The following IMMP2L variants were observed in gnomAD, a reference collection of about 807,000 sequenced individuals.
IMMP2L encodes inner mitochondrial membrane peptidase subunit 2, also known as mitochondrial inner membrane protease subunit 2.
In IMMP2L, 18 loss-of-function variants were observed where a neutral mutation model predicts 19.3. The observed-to-expected ratio is 0.93, with a 90% CI of 0.64 to 1.38. The LOEUF (loss-of-function observed/expected upper bound fraction) is 1.38. IMMP2L is among the 40% of genes most tolerant of loss of function. The probability of loss-of-function intolerance (pLI) is 0.00; values close to 1 mark genes in which losing one functional copy is unlikely to be tolerated. For missense variants in IMMP2L, 233 were observed against 218.2 expected (o/e 1.07, Z -0.43); for synonymous variants, 76 against 73.0 (o/e 1.04, Z -0.21).
intron 3 of IMMP2L, among the ~76,000 whole-genome samples, chr7:111,112,380 G>A (rs1342355854): frequency 3.3e-5 from 5 of 152,086 alleles, no homozygotes; most frequent in African/African-American, 7.2e-5. Context: ...CTGTCACTTC[G>A]TACTTCAGAG....
intron 5 of IMMP2L, among the ~76,000 whole-genome samples, chr7:110,820,869 CT>C (rs777182015): frequency 2.0e-5 from 3 of 152,056 alleles, no homozygotes; most frequent in Admixed American, 6.6e-5. Context: ...ACCTTTTCAA[CT>C]TTCCTGAGCT....
At chr7:111,155,647 T>C (rs1196143342) in intron 3 of IMMP2L, among the ~76,000 whole-genome samples, 1 of 146,592 alleles carries the variant, frequency 6.8e-6, no homozygotes, top group East Asian at 2.0e-4. Context: ...CTTGTGTGCA[T>C]TGTCATGGAA....
intron 3 of IMMP2L, among the ~76,000 whole-genome samples, chr7:110,964,472 C>G (rs757009706): frequency 2.0e-5 from 3 of 151,878 alleles, no homozygotes; most frequent in African/African-American, 7.3e-5. Flanking sequence ...GAATTCAGAG[C>G]GCTAAAACAG....
At chr7:110,836,319 T>A (rs1463290389) in intron 5 of IMMP2L, among the ~76,000 whole-genome samples, 3 of 152,184 alleles carry the variant, frequency 2.0e-5, no homozygotes, top group Admixed American at 6.5e-5. Context: ...CCTCATGATA[T>A]GATTTGGCTG....
chr7:110,869,029 C>T (rs16873234), intron 5 of IMMP2L, among the ~76,000 whole-genome samples: 5,646 of 151,992 alleles, frequency 0.037, 342 homozygotes, highest in African/African-American at 0.13. Flanking sequence ...CTAGAGAATG[C>T]TATCACTTTT....
At chr7:111,368,540 C>T (rs1408572840) in intron 3 of IMMP2L, among the ~76,000 whole-genome samples, 1 of 151,932 alleles carries the variant, frequency 6.6e-6, no homozygotes, top group African/African-American at 2.4e-5. Flanking sequence ...CCTGAAAGTT[C>T]TTGCTACCAA....
intron 3 of IMMP2L, among the ~76,000 whole-genome samples, chr7:111,438,433 C>A (rs1014524247): frequency 2.0e-5 from 3 of 151,618 alleles, no homozygotes; most frequent in Non-Finnish European, 4.4e-5. Context: ...ATTCAGGAGT[C>A]CCACACCCAC....
At chr7:111,281,885 A>C (rs1431106435) in intron 3 of IMMP2L, among the ~76,000 whole-genome samples, 1 of 152,202 alleles carries the variant, frequency 6.6e-6, no homozygotes, top group East Asian at 1.9e-4. Context: ...AGGACAACTA[A>C]GGTTGTTTTT....
chr7:111,408,943 A>T (rs969926082), intron 3 of IMMP2L, among the ~76,000 whole-genome samples: 5 of 151,750 alleles, frequency 3.3e-5, no homozygotes, highest in African/African-American at 1.2e-4. Context: ...TGAAAAACCT[A>T]CATCAGCACT....
intron 1 of IMMP2L, among the ~76,000 whole-genome samples, chr7:111,542,696 A>G (rs10085436): frequency 0.015 from 2,290 of 152,274 alleles, 73 homozygotes; most frequent in African/African-American, 0.052. Context: ...TGAATACACA[A>G]TTAATTCAAT....
intron 5 of IMMP2L, among the ~76,000 whole-genome samples, chr7:110,884,310 G>A (rs1809991385): frequency 1.3e-5 from 2 of 151,870 alleles, no homozygotes; most frequent in Admixed American, 6.6e-5. Flanking sequence ...AAATTACTGA[G>A]AGAAATGCTT....
At chr7:111,222,015 C>T (rs771980989) in intron 3 of IMMP2L, among the ~76,000 whole-genome samples, 16 of 151,918 alleles carry the variant, frequency 1.1e-4, no homozygotes, top group Non-Finnish European at 1.9e-4. Context: ...TAAATCCCTA[C>T]CCAAGACTAA....
intron 3 of IMMP2L, among the ~76,000 whole-genome samples, chr7:111,129,818 C>T (rs1801678361): frequency 6.6e-6 from 1 of 152,028 alleles, no homozygotes; most frequent in Non-Finnish European, 1.5e-5. Flanking sequence ...ATTATTTTTA[C>T]AGAGGAGCAA....
chr7:111,025,291 T>G (rs2129567684), intron 3 of IMMP2L, among the ~76,000 whole-genome samples: 1 of 152,304 alleles, frequency 6.6e-6, no homozygotes, highest in Admixed American at 6.5e-5. Context: ...AGCCATGTCA[T>G]CTACTTCCTA....
intron 3 of IMMP2L, among the ~76,000 whole-genome samples, chr7:111,142,378 G>C (rs920696692): frequency 6.8e-6 from 1 of 146,358 alleles, no homozygotes; most frequent in South Asian, 2.1e-4. Flanking sequence ...GAATAGAAAA[G>C]AGCTTAATTT....
intron 4 of IMMP2L, among the ~76,000 whole-genome samples, chr7:110,901,188 A>T (rs79734272): frequency 0.013 from 1,952 of 152,006 alleles, 34 homozygotes; most frequent in African/African-American, 0.045. Flanking sequence ...TCCACTGTTT[A>T]CCTGATATTT....
At chr7:111,100,537 TATA>T (rs1255462355) in intron 3 of IMMP2L, among the ~76,000 whole-genome samples, 1 of 149,746 alleles carries the variant, frequency 6.7e-6, no homozygotes, top group African/African-American at 2.4e-5. Flanking sequence ...ACCTGATTAG[TATA>T]ATATTATTTA....
At chr7:110,692,119 C>G (rs1793546629) in intron 5 of IMMP2L, among the ~76,000 whole-genome samples, 1 of 152,058 alleles carries the variant, frequency 6.6e-6, no homozygotes, top group South Asian at 2.1e-4. Flanking sequence ...ACACACTCCC[C>G]CCACAACACA....
intron 1 of IMMP2L, among the ~76,000 whole-genome samples, chr7:111,536,091 T>C (rs905299155): frequency 1.3e-5 from 2 of 152,148 alleles, no homozygotes; most frequent in African/African-American, 4.8e-5. Context: ...AAAATTTGAT[T>C]ACTTATTAAA....
Sources: allele counts gnomAD v4.1 joint callset (sites outside exome capture counted in the v4.1 genomes callset), GRCh38; gene constraint gnomAD v4.1.1; transcripts MANE v1.5; gene names NCBI Gene and HGNC (gene_info 2026-07-23, HGNC 2026-07-21).